The following EPCIP variants were observed in gnomAD, a reference collection of about 807,000 sequenced individuals.
EPCIP encodes the protein exosomal polycystin-1-interacting protein.
At chr21:32,805,245 C>G in the EPCIP span, among the ~76,000 whole-genome samples, 4 of 152,178 alleles carry the variant, frequency 2.6e-5, no homozygotes, top group Non-Finnish European at 5.9e-5. Flanking sequence ...CCAGAAGGAA[C>G]CAGGCCTACT....
At chr21:32,801,850 A>G in the EPCIP span, among the ~76,000 whole-genome samples, 1 of 149,748 alleles carries the variant, frequency 6.7e-6, no homozygotes, top group East Asian at 2.0e-4. Context: ...CTCAAAAGAG[A>G]AAAAAAAAAG....
chr21:32,797,934 A>T, the EPCIP span: 1 of 152,160 alleles, frequency 6.6e-6, no homozygotes, highest in African/African-American at 2.4e-5. Context: ...CCCAGATAAG[A>T]TCACTCCTTC....
At chr21:32,794,058 G>C in the EPCIP span, 14 of 1,614,204 alleles carry the variant, frequency 8.7e-6, no homozygotes, top group Non-Finnish European at 1.1e-5. Context: ...AGCCTCTTCA[G>C]ACCACAAATA....
the EPCIP span, among the ~76,000 whole-genome samples, chr21:32,812,952 C>T: frequency 2.6e-5 from 4 of 152,076 alleles, no homozygotes; most frequent in Non-Finnish European, 4.4e-5. Context: ...TTTTTAAAAA[C>T]ACGAACTATC....
the EPCIP span, chr21:32,813,617 C>T: frequency 1.9e-5 from 9 of 471,228 alleles, no homozygotes; most frequent in South Asian, 9.3e-5. Context: ...CGTGAGGCCT[C>T]GCCTCTCCAC....
the EPCIP span, chr21:32,790,745 C>T: frequency 6.6e-6 from 1 of 152,248 alleles, no homozygotes; most frequent in Non-Finnish European, 1.5e-5. Flanking sequence ...AGCAGCCCAC[C>T]TCCCTTTTTT....
the EPCIP span, chr21:32,798,652 G>A: frequency 6.6e-6 from 1 of 152,146 alleles, no homozygotes; most frequent in Non-Finnish European, 1.5e-5. Context: ...ATGACAGAAC[G>A]AGACCCCATC....
chr21:32,804,576 C>T, the EPCIP span, among the ~76,000 whole-genome samples: 1 of 151,872 alleles, frequency 6.6e-6, no homozygotes, highest in African/African-American at 2.4e-5. Context: ...AAATGTATTA[C>T]CATGCTCTGT....
At chr21:32,793,436 C>T in the EPCIP span, 1 of 450,562 alleles carries the variant, frequency 2.2e-6, no homozygotes, top group Non-Finnish European at 4.0e-6. Flanking sequence ...GGGTGTATTG[C>T]TTTCTCCATT....
chr21:32,806,120 C>T, the EPCIP span, among the ~76,000 whole-genome samples: 1 of 152,112 alleles, frequency 6.6e-6, no homozygotes, highest in Non-Finnish European at 1.5e-5. Flanking sequence ...GCAGAGGCTG[C>T]AAGAAGTGCT....
the EPCIP span, among the ~76,000 whole-genome samples, chr21:32,802,930 C>T: frequency 6.6e-6 from 1 of 151,980 alleles, no homozygotes; most frequent in Non-Finnish European, 1.5e-5. Flanking sequence ...TCTTAGCATC[C>T]CAACACAGCT....
At chr21:32,801,113 G>T in the EPCIP span, among the ~76,000 whole-genome samples, 14 of 152,140 alleles carry the variant, frequency 9.2e-5, no homozygotes, top group African/African-American at 3.1e-4. Flanking sequence ...CCTAGAAGAT[G>T]GCAGAACTGT....
the EPCIP span, among the ~76,000 whole-genome samples, chr21:32,809,342 TTCC>T: frequency 4.5e-3 from 537 of 119,518 alleles, 1 homozygote; most frequent in African/African-American, 0.014. Context: ...CTTTCTTTCT[TTCC>T]TCTTTCTTTC....
the EPCIP span, among the ~76,000 whole-genome samples, chr21:32,813,134 T>C: frequency 6.6e-6 from 1 of 152,144 alleles, no homozygotes; most frequent in Non-Finnish European, 1.5e-5. Flanking sequence ...CTTTTCTTTG[T>C]TTGTGATCAC....
At chr21:32,809,284 CT>C in the EPCIP span, among the ~76,000 whole-genome samples, 3,084 of 107,540 alleles carry the variant, frequency 0.029, 170 homozygotes, top group Admixed American at 0.046. Flanking sequence ...TCCTTCCTTT[CT>C]TTCTTTCTTT....
chr21:32,812,679 A>G, the EPCIP span, among the ~76,000 whole-genome samples: 59 of 152,176 alleles, frequency 3.9e-4, no homozygotes, highest in African/African-American at 1.3e-3. Flanking sequence ...AAAATTTTCA[A>G]ACAAATGAAG....
chr21:32,803,917 G>A, the EPCIP span, among the ~76,000 whole-genome samples: 1 of 152,164 alleles, frequency 6.6e-6, no homozygotes, highest in Non-Finnish European at 1.5e-5. Flanking sequence ...GGTTTACACA[G>A]TTCATTGTGC....
At chr21:32,804,190 A>G in the EPCIP span, among the ~76,000 whole-genome samples, 2 of 151,706 alleles carry the variant, frequency 1.3e-5, no homozygotes, top group Non-Finnish European at 2.9e-5. Flanking sequence ...CAGTCGGAGA[A>G]CCTGTCTGAG....
the EPCIP span, among the ~76,000 whole-genome samples, chr21:32,809,717 G>T: frequency 1.3e-5 from 2 of 152,116 alleles, 1 homozygote. Context: ...TGCTGGGTAT[G>T]TTGCCCTCTG....
Sources: gnomAD v4.1 joint callset for allele counts (sites outside exome capture counted in the v4.1 genomes callset) on GRCh38, gnomAD v4.1.1 for gene constraint, MANE v1.5 for transcripts, NCBI Gene and HGNC (gene_info 2026-07-23, HGNC 2026-07-21) for gene names.